The following KIAA1549L variants were observed in gnomAD, a reference collection of about 807,000 sequenced individuals.
KIAA1549L encodes UPF0606 protein KIAA1549L.
Under a neutral mutation model 160.7 loss-of-function variants are expected in KIAA1549L, and 88 were observed. That is an observed-to-expected ratio of 0.55 (90% CI 0.46 to 0.65). KIAA1549L has a LOEUF of 0.65. Ranked by LOEUF, KIAA1549L falls within the 30% of genes least tolerant of loss-of-function variation. KIAA1549L has a pLI of 0.00. For synonymous variants in KIAA1549L, 950 were observed against 976.7 expected (o/e 0.97, Z 0.51); for missense variants, 2,258 against 2,437.5 (o/e 0.93, Z 1.55).
At chr11:33,590,316 C>T (rs932895260) in intron 11 of KIAA1549L, among the ~76,000 whole-genome samples, 4 of 152,194 alleles carry the variant, frequency 2.6e-5, no homozygotes, top group South Asian at 2.1e-4. Context: ...ATGACGGAGT[C>T]GGGATTTGAA....
rs752241863 is a variant in KIAA1549L at position 33,606,817 on chromosome 11, G to A, written c.5056G>A (p.Gly1686Ser). ...RSQESSAVLN[G>S]EVNKALKQKS... ...CCAGGAGTCATCGGCAGTCCTCAACGGCGAGGTAAGTGCCTGGAGACCCAG... is the reference window on the plus strand; with the variant it reads ...CCAGGAGTCATCGGCAGTCCTCAACAGCGAGGTAAGTGCCTGGAGACCCAG... The change falls in exon 14 of 21, where the codon GGC becomes AGC. Residue 1686 changes from glycine to serine, a missense_variant. By Grantham distance (56) the Gly-to-Ser change is moderately conservative. Around this residue, in one of 6 missense-constraint regions of KIAA1549L, gnomAD observed 1,359 missense variants for 1,546.6 expected, o/e 0.88. Coordinates refer to ENST00000658780, the MANE Select transcript of KIAA1549L (RefSeq NM_012194.3). The A allele has an allele frequency of 3.4e-5, 55 of 1,601,358 alleles. No homozygotes were observed. The highest frequency in any genetic ancestry group is 2.7e-4 in the African/African-American group (20 of 74,576).
chr11:33,540,274 G>T lies in KIAA1549L; in HGVS notation c.239-1528G>T, dbSNP rs77049700. ...AACTGAAACAAGATGAATTTGTTTT[G>T]ATTCTGAATCCATAAGTTGGACTCA... On this transcript the variant is annotated intron_variant, in intron 1 of 20. Transcript: ENST00000658780. 7.1e-3 allele frequency among the ~76,000 whole-genome samples: 1,086 copies of T among 152,286 alleles called. 18 individuals are homozygous for T. Among genetic ancestry groups the T allele is most frequent in the African/African-American group, 0.025 (1,049 of 41,552 alleles).
chr11:33,455,183 G>A (rs1238547727), intron 1 of KIAA1549L, among the ~76,000 whole-genome samples: 2 of 152,196 alleles, frequency 1.3e-5, no homozygotes, highest in African/African-American at 4.8e-5. Context: ...TTGCCAGAAA[G>A]CTTGGTTAGC....
chr11:33,468,380 A>G (rs564849597), intron 1 of KIAA1549L, among the ~76,000 whole-genome samples: 124 of 152,350 alleles, frequency 8.1e-4, no homozygotes, highest in African/African-American at 2.7e-3. Flanking sequence ...ATCAAAAACA[A>G]ATTAGTTTCA....
intron 1 of KIAA1549L, among the ~76,000 whole-genome samples, chr11:33,513,534 C>A (rs1853273060): frequency 6.6e-6 from 1 of 152,186 alleles, no homozygotes; most frequent in Non-Finnish European, 1.5e-5. Flanking sequence ...CTCTCCCCTC[C>A]TTTTATTCCA....
At chr11:33,526,932 T>C (rs1229016717) in intron 1 of KIAA1549L, among the ~76,000 whole-genome samples, 1 of 152,104 alleles carries the variant, frequency 6.6e-6, no homozygotes, top group Non-Finnish European at 1.5e-5. Context: ...TGAAAAAGTC[T>C]CCAGAGAAAT....
chr11:33,551,300 G>A (rs1391033856), intron 5 of KIAA1549L, 41 bp downstream of exon 5: 12 of 1,553,208 alleles, frequency 7.7e-6, no homozygotes, highest in Non-Finnish European at 1.1e-5. Context: ...CCATTCTTGG[G>A]TTCAGGGCCA....
chr11:33,637,594 G>T (rs1163451901), intron 16 of KIAA1549L, among the ~76,000 whole-genome samples: 2 of 152,226 alleles, frequency 1.3e-5, no homozygotes, highest in African/African-American at 4.8e-5. Context: ...TTTTCTCACA[G>T]TTCTGGAGGT....
chr11:33,654,098 G>A (rs1338494684), intron 17 of KIAA1549L, among the ~76,000 whole-genome samples: 3 of 151,292 alleles, frequency 2.0e-5, no homozygotes, highest in African/African-American at 4.8e-5. Context: ...TCAGCCTCCC[G>A]AGTAGCTGGG....
Position 33,598,842 on chromosome 11 carries a change from T to C in KIAA1549L, c.4774T>C (p.Ser1592Pro). 2 of 1,613,886 alleles carry C rather than the reference T, an allele frequency of 1.2e-6. No homozygotes were observed. Among genetic ancestry groups the C allele is most frequent in the Non-Finnish European group, 1.7e-6 (2 of 1,179,836 alleles). ...CAGCAGGTCGCCCAGTGAGAATGGCTCTGTCATCAGCAACGAATCAGGGAA... is the reference window on the plus strand; with the variant it reads ...CAGCAGGTCGCCCAGTGAGAATGGCCCTGTCATCAGCAACGAATCAGGGAA... Reference protein sequence around the residue: ...RKSRSPSENGSVISNESGKPS... With the variant: ...RKSRSPSENGPVISNESGKPS... Residue 1592 changes from serine to proline, a missense_variant, in exon 13 of 21, where the codon TCT becomes CCT. By Grantham distance (74) the Ser-to-Pro change is moderately conservative. Transcript: ENST00000658780.
intron 1 of KIAA1549L, among the ~76,000 whole-genome samples, chr11:33,479,271 G>C (rs183105641): frequency 1.3e-5 from 2 of 152,360 alleles, no homozygotes; most frequent in African/African-American, 4.8e-5. Flanking sequence ...GGCAAGGCCA[G>C]AGGGCATTCA....
chr11:33,646,229 A>G lies in KIAA1549L; in HGVS notation c.5760+193A>G, dbSNP rs140327208. Among the ~76,000 whole-genome samples the G allele has an allele frequency of 1.4e-3, 206 of 152,350 alleles. 1 individual carries two copies. The highest frequency in any genetic ancestry group is 7.3e-3 in the South Asian group (35 of 4,820). On this transcript the variant is annotated intron_variant, in intron 17 of 20. Transcript: ENST00000658780. Reference sequence around the variant, plus strand: ...CTAAGCTTTTTGACTCCTGTGGACAATGCACGTGAGAATCCCTTCTTTCCA... The same window carrying G: ...CTAAGCTTTTTGACTCCTGTGGACAGTGCACGTGAGAATCCCTTCTTTCCA...
chr11:33,437,986 C>T (rs1851414437), intron 1 of KIAA1549L, among the ~76,000 whole-genome samples: 2 of 152,200 alleles, frequency 1.3e-5, no homozygotes, highest in South Asian at 2.1e-4. Context: ...CACCTGCCTA[C>T]GCCTCTCCAG....
intron 1 of KIAA1549L, among the ~76,000 whole-genome samples, chr11:33,470,034 A>G (rs865993459): frequency 3.5e-4 from 53 of 151,060 alleles, no homozygotes; most frequent in Non-Finnish European, 1.8e-4. Flanking sequence ...CAATTTATCT[A>G]TTTTTTTTTC....
At chr11:33,655,242 G>C (rs1564944015) in intron 17 of KIAA1549L, among the ~76,000 whole-genome samples, 1 of 151,998 alleles carries the variant, frequency 6.6e-6, no homozygotes, top group Non-Finnish European at 1.5e-5. Context: ...GTGCTTTATA[G>C]ATTGCAAAAG....
At chr11:33,522,570 C>T (rs185371183) in intron 1 of KIAA1549L, among the ~76,000 whole-genome samples, 97 of 152,220 alleles carry the variant, frequency 6.4e-4, no homozygotes, top group Admixed American at 1.1e-3. Context: ...ATATTAACAT[C>T]TTACCTAAAT....
chr11:33,423,770 G>A (rs977277097), intron 1 of KIAA1549L, among the ~76,000 whole-genome samples: 3 of 152,222 alleles, frequency 2.0e-5, no homozygotes, highest in Admixed American at 6.5e-5. Flanking sequence ...GCTCATGCCT[G>A]TAATTCGAGC....
At chr11:33,508,820 G>A (rs961232116) in intron 1 of KIAA1549L, among the ~76,000 whole-genome samples, 4 of 152,198 alleles carry the variant, frequency 2.6e-5, no homozygotes, top group African/African-American at 9.6e-5. Flanking sequence ...GGAAGCCTGG[G>A]TTTTTGCTGT....
chr11:33,511,706 A>T (rs1049755690), intron 1 of KIAA1549L, among the ~76,000 whole-genome samples: 1 of 152,190 alleles, frequency 6.6e-6, no homozygotes, highest in African/African-American at 2.4e-5. Flanking sequence ...CATGGATGGA[A>T]TTTCCTTGCA....
Sources: gnomAD v4.1 joint callset for allele counts (sites outside exome capture counted in the v4.1 genomes callset) on GRCh38, gnomAD v4.1.1 for gene constraint, gnomAD v4.1.1 regional missense constraint, MANE v1.5 for transcripts, NCBI Gene and HGNC (gene_info 2026-07-23, HGNC 2026-07-21) for gene names.